Variants in ATP10B observed in about 807,000 individuals in gnomAD.
The protein encoded by ATP10B is ATPase phospholipid transporting 10B (putative), also known as phospholipid-transporting ATPase VB.
Under a neutral mutation model 141.2 loss-of-function variants are expected in ATP10B, and 122 were observed. The ratio of observed to expected loss-of-function variants is 0.86; its 90% CI spans 0.75 to 1.00. The LOEUF is 1.00. ATP10B is among the 50% of genes least tolerant of loss of function. The pLI, the probability that ATP10B is intolerant of heterozygous loss-of-function variation, is 0.00. For missense variants in ATP10B, 1,876 were observed against 1,825.3 expected, an observed-to-expected ratio of 1.03 and a Z score of -0.51; for synonymous variants, 685 against 692.0, an observed-to-expected ratio of 0.99 and a Z score of 0.16.
chr5:160,835,438 A>G (rs1289590106), intron 1 of ATP10B, among the ~76,000 whole-genome samples: 3 of 152,092 alleles, frequency 2.0e-5, no homozygotes, highest in African/African-American at 7.2e-5. Flanking sequence ...GGTCATCTCT[A>G]TCTGCTGCCC....
the ATP10B span, among the ~76,000 whole-genome samples, chr5:160,906,904 T>A: frequency 1.3e-5 from 2 of 152,226 alleles, no homozygotes; most frequent in African/African-American, 2.4e-5. Flanking sequence ...TGCTTCCCTC[T>A]GCCCTTTTAA....
At chr5:160,829,705 CT>C (rs1035094328) in intron 1 of ATP10B, among the ~76,000 whole-genome samples, 1 of 151,986 alleles carries the variant, frequency 6.6e-6, no homozygotes, top group African/African-American at 2.4e-5. Flanking sequence ...GGGTATTTCA[CT>C]TTTTTTGTGG....
chr5:160,665,667 C>T (rs1762279537), intron 7 of ATP10B, among the ~76,000 whole-genome samples: 2 of 152,182 alleles, frequency 1.3e-5, no homozygotes, highest in African/African-American at 4.8e-5. Flanking sequence ...GGGACAAGTG[C>T]TTAGCAGACT....
the ATP10B span, among the ~76,000 whole-genome samples, chr5:160,892,385 C>T: frequency 1.3e-5 from 2 of 152,228 alleles, no homozygotes; most frequent in Non-Finnish European, 2.9e-5. Flanking sequence ...GTCCCCCAAA[C>T]GTCCCCAGGC....
upstream of ATP10B, among the ~76,000 whole-genome samples, chr5:160,855,253 T>C (rs1753966257): frequency 6.6e-6 from 1 of 152,100 alleles, no homozygotes; most frequent in Non-Finnish European, 1.5e-5. Context: ...TTACCAGAAA[T>C]GTGTGAGGGC....
chr5:160,822,357 A>T (rs1026391288), intron 1 of ATP10B, among the ~76,000 whole-genome samples: 2 of 152,124 alleles, frequency 1.3e-5, no homozygotes, highest in Admixed American at 6.6e-5. Context: ...CAAAAGCCAA[A>T]ATAAGAAATG....
intron 8 of ATP10B, among the ~76,000 whole-genome samples, chr5:160,645,788 T>A (rs1760237283): frequency 6.6e-6 from 1 of 152,260 alleles, no homozygotes; most frequent in Non-Finnish European, 1.5e-5. Flanking sequence ...TCTTCAATAC[T>A]TCTTATCGCT....
Position 160,632,248 on chromosome 5 carries a change from C to A in ATP10B, c.1501G>T (p.Gly501Cys). Reference sequence around the variant, plus strand: ...TGGCTCCTCCTCAGAGGCTGAGCACCTTTTTGGCTTCTCATAGTTGCTGGA... The same window carrying A: ...TGGCTCCTCCTCAGAGGCTGAGCACATTTTTGGCTTCTCATAGTTGCTGGA... ...QDPATMRSQK[G>C]AQPLRRSQSA... Residue 501 changes from glycine (G) to cysteine (C), a missense_variant, in exon 13 of 26, where the codon GGT becomes TGT. Coordinates refer to ENST00000327245, the MANE Select transcript of ATP10B (RefSeq NM_025153.3). The A allele has an allele frequency of 2.5e-6, 4 of 1,614,192 alleles. No individual in the cohort carries two copies. The highest frequency in any genetic ancestry group is 3.4e-6 in the Non-Finnish European group (4 of 1,180,024).
At chr5:160,790,297 T>C (rs1206398064) in intron 1 of ATP10B, among the ~76,000 whole-genome samples, 1 of 152,190 alleles carries the variant, frequency 6.6e-6, no homozygotes, top group Non-Finnish European at 1.5e-5. Flanking sequence ...AAGTTGTTCT[T>C]TGCAACCCAC....
chr5:160,757,738 T>A (rs552807528), intron 2 of ATP10B, among the ~76,000 whole-genome samples: 3 of 152,310 alleles, frequency 2.0e-5, no homozygotes, highest in East Asian at 3.9e-4. Flanking sequence ...ATTATTGTTT[T>A]CTTGAGACAT....
the ATP10B span, among the ~76,000 whole-genome samples, chr5:160,859,158 CT>C: frequency 6.6e-6 from 1 of 151,770 alleles, no homozygotes; most frequent in Admixed American, 6.6e-5. Flanking sequence ...TTATTTCCCC[CT>C]TTATTTTTTT....
intron 2 of ATP10B, among the ~76,000 whole-genome samples, chr5:160,753,903 T>C (rs142131352): frequency 1.4e-4 from 22 of 152,298 alleles, no homozygotes; most frequent in Admixed American, 9.8e-4. Context: ...TGGCTTCTGA[T>C]CCCATGATTT....
intron 3 of ATP10B, among the ~76,000 whole-genome samples, chr5:160,691,398 T>G (rs7731148): frequency 9.9e-5 from 15 of 152,130 alleles, no homozygotes; most frequent in African/African-American, 3.1e-4. Context: ...AGTTTCCAGT[T>G]TCTGAACTCT....
At chr5:160,883,906 T>C in the ATP10B span, among the ~76,000 whole-genome samples, 5 of 152,304 alleles carry the variant, frequency 3.3e-5, no homozygotes, top group Admixed American at 3.3e-4. Flanking sequence ...AAATGTCTTT[T>C]AAGTAATTAG....
At chr5:160,926,815 T>G in the ATP10B span, among the ~76,000 whole-genome samples, 1 of 152,254 alleles carries the variant, frequency 6.6e-6, no homozygotes, top group Non-Finnish European at 1.5e-5. Flanking sequence ...TAGAAGTCAC[T>G]TCCTCTGATA....
intron 7 of ATP10B, among the ~76,000 whole-genome samples, chr5:160,664,524 T>A (rs185750797): frequency 6.6e-6 from 1 of 152,184 alleles, no homozygotes; most frequent in Non-Finnish European, 1.5e-5. Context: ...CAGATACATA[T>A]GATTATTACG....
intron 2 of ATP10B, among the ~76,000 whole-genome samples, chr5:160,721,245 A>G (rs1162448683): frequency 3.3e-5 from 5 of 152,188 alleles, no homozygotes; most frequent in African/African-American, 1.2e-4. Flanking sequence ...TCCGTGGGAA[A>G]TCATGATGAT....
At chr5:160,833,900 G>C (rs1561907622) in intron 1 of ATP10B, among the ~76,000 whole-genome samples, 1 of 152,030 alleles carries the variant, frequency 6.6e-6, no homozygotes, top group South Asian at 2.1e-4. Context: ...ACTTTAGAGG[G>C]AAACCTCAAC....
At chr5:160,826,708 C>T (rs909415605) in intron 1 of ATP10B, among the ~76,000 whole-genome samples, 12 of 151,982 alleles carry the variant, frequency 7.9e-5, no homozygotes, top group Non-Finnish European at 1.5e-4. Flanking sequence ...AAATTCTTTT[C>T]CTAGCAAGGA....
Sources: allele counts gnomAD v4.1 joint callset (sites outside exome capture counted in the v4.1 genomes callset), GRCh38; gene constraint gnomAD v4.1.1; transcripts MANE v1.5; gene names NCBI Gene and HGNC (gene_info 2026-07-23, HGNC 2026-07-21).